The following PNLIPRP3 variants were observed in gnomAD, a reference collection of about 807,000 sequenced individuals.
PNLIPRP3 encodes the protein pancreatic lipase related protein 3.
A neutral mutation model predicts 52.8 loss-of-function variants in PNLIPRP3; 58 were observed. That is an observed-to-expected ratio of 1.10 (90% CI 0.89 to 1.37). PNLIPRP3 has a LOEUF of 1.37. Among genes scored for constraint, PNLIPRP3 ranks in the 40% most tolerant of loss-of-function variants. PNLIPRP3 has a pLI of 0.00. For synonymous variants in PNLIPRP3, 192 were observed against 185.0 expected, an observed-to-expected ratio of 1.04 and a Z score of -0.31; for missense variants, 593 against 561.6, an observed-to-expected ratio of 1.06 and a Z score of -0.57.
intron 1 of PNLIPRP3, among the ~76,000 whole-genome samples, chr10:116,434,562 T>G (rs981769013): frequency 9.9e-5 from 15 of 152,214 alleles, no homozygotes; most frequent in Non-Finnish European, 2.1e-4. Context: ...CCTTTAACTT[T>G]ACACTCTCTG....
intron 2 of PNLIPRP3, chr10:116,440,109 C>T: frequency 1.5e-6 from 1 of 659,068 alleles, no homozygotes. Flanking sequence ...ATGTAGAATA[C>T]AAGTATTTGG....
intron 7 of PNLIPRP3, among the ~76,000 whole-genome samples, chr10:116,461,502 T>C (rs1045677673): frequency 6.6e-6 from 1 of 152,170 alleles, no homozygotes. Context: ...GCCTTATCAA[T>C]CTCTAGCATA....
chr10:116,446,394 G>A (rs1043769516), intron 4 of PNLIPRP3, among the ~76,000 whole-genome samples: 3 of 150,660 alleles, frequency 2.0e-5, no homozygotes, highest in African/African-American at 7.3e-5. Context: ...GTAGAGGAAG[G>A]GATGTTCTAA....
intron 4 of PNLIPRP3, among the ~76,000 whole-genome samples, chr10:116,450,930 A>G (rs1846025733): frequency 6.6e-6 from 1 of 152,160 alleles, no homozygotes; most frequent in Admixed American, 6.5e-5. Context: ...TTTAACAGAA[A>G]TAGTAAAAAC....
At chr10:116,455,964 C>T (rs969121790) in intron 5 of PNLIPRP3, 134 bp downstream of exon 5, 18 of 705,732 alleles carry the variant, frequency 2.6e-5, no homozygotes, top group African/African-American at 1.8e-4. Context: ...TGAAATAAAA[C>T]GTGAACGTGT....
rs763161816 is a variant in PNLIPRP3, at chr10:116,469,301, C to T, written c.1044C>T (p.Ser348=). 2.0e-5 allele frequency: 32 copies of T among 1,604,304 alleles called. No individual in the cohort carries two copies. The highest frequency in any genetic ancestry group is 2.6e-5 in the Non-Finnish European group (30 of 1,176,418). The change falls in exon 9 of 12, where the codon TCC becomes TCT. Residue 348 remains serine (S), a synonymous_variant. Coordinates refer to ENST00000369230, the MANE Select transcript of PNLIPRP3 (RefSeq NM_001011709.3). The part of the protein sequence containing the change: ...NGSHYFLNTG[S]LSPFARWRHK... ...CACATTATTTTTTAAACACAGGGTC[C>T]CTTTCCCCATTTGCCCGTAAGTATC...
At chr10:116,465,963 C>T (rs569844363) in intron 7 of PNLIPRP3, 87 bp from the exon 8 acceptor site, 1 of 953,604 alleles carries the variant, frequency 1.0e-6, no homozygotes, top group Non-Finnish European at 1.7e-6. Context: ...AAGAAGACTG[C>T]CACTTACAGT....
intron 1 of PNLIPRP3, among the ~76,000 whole-genome samples, chr10:116,436,329 TGC>T (rs1351358920): frequency 3.3e-5 from 5 of 152,206 alleles, no homozygotes; most frequent in Admixed American, 2.6e-4. Flanking sequence ...CCTTACCTTA[TGC>T]CATATACAAA....
chr10:116,477,220 G>A lies in PNLIPRP3; in HGVS notation c.*67G>A. 1 of 1,325,384 alleles carries A rather than the reference G, an allele frequency of 7.5e-7. No homozygotes were observed. The highest frequency in any genetic ancestry group is 1.1e-6 in the Non-Finnish European group (1 of 944,278). The allele number at this position is 1,325,384 out of a possible 1,614,324, so 82.1% of individuals were successfully genotyped here. A position where few individuals can be genotyped will look rare whatever the true frequency, so the allele number is the denominator to read the frequency against. The stretch of plus-strand genomic sequence containing the variant: ...GAAGAAAAGTGTCTCCTTCCACCTG[G>A]CATCCAGACCAAATTTGACCCTTGT... On this transcript the variant is annotated 3_prime_UTR_variant, in exon 12 of 12. Coordinates refer to ENST00000369230, the MANE Select transcript of PNLIPRP3 (RefSeq NM_001011709.3).
intron 4 of PNLIPRP3, among the ~76,000 whole-genome samples, chr10:116,451,328 T>C: frequency 6.6e-6 from 1 of 152,120 alleles, no homozygotes; most frequent in East Asian, 1.9e-4. Context: ...ATAAAACTCC[T>C]AGAAAAAAAC....
In PNLIPRP3 at chr10:116,444,545, T is replaced by TG. The variant is rs1277128627; in HGVS notation, c.456+33dup. ...AGAGTTGATTTTTTTTTAATTATATTGAATTGGTTTTGGATATTAACACTC... is the reference window on the plus strand; with the variant it reads ...AGAGTTGATTTTTTTTTAATTATATTGGAATTGGTTTTGGATATTAACACTC... On this transcript the variant is annotated intron_variant, in intron 4 of 11. Transcript: ENST00000369230. 20 of 1,593,676 alleles carry TG rather than the reference T, an allele frequency of 1.3e-5. No individual in the cohort carries two copies. In the East Asian group the frequency reaches 4.2e-4, roughly 34 times the overall value.
At chr10:116,454,122 T>C (rs946925824) in intron 4 of PNLIPRP3, among the ~76,000 whole-genome samples, 1 of 152,114 alleles carries the variant, frequency 6.6e-6, no homozygotes. Context: ...TCTCATTCTT[T>C]TTTTTTTGAG....
chr10:116,465,870 T>C (rs1846275236), intron 7 of PNLIPRP3, among the ~76,000 whole-genome samples, 180 bp from the exon 8 acceptor site: 1 of 152,232 alleles, frequency 6.6e-6, no homozygotes, highest in African/African-American at 2.4e-5. Flanking sequence ...GTCACATAAT[T>C]CTTTGGTACA....
intron 3 of PNLIPRP3, among the ~76,000 whole-genome samples, chr10:116,443,591 T>C (rs1174224295): frequency 6.9e-6 from 1 of 144,916 alleles, no homozygotes; most frequent in African/African-American, 2.5e-5. Flanking sequence ...TCTCACGGAG[T>C]GAGAATTAAA....
intron 10 of PNLIPRP3, among the ~76,000 whole-genome samples, chr10:116,475,665 G>T (rs1376759969): frequency 6.6e-6 from 1 of 152,126 alleles, no homozygotes. Flanking sequence ...AAATATGTAG[G>T]TGCCTACGCT....
Position 116,461,299 on chromosome 10 carries a change from T to C in PNLIPRP3, c.808+9T>C, listed in dbSNP as rs1219058909. On this transcript the variant is annotated intron_variant, in intron 7 of 11. Transcript: ENST00000369230. ...CAATGCTTACAAAAAAGGTAAATAC[T>C]TTCTAAACTATGAATGCTACTGATG... 7 of 1,610,006 alleles carry C rather than the reference T, an allele frequency of 4.3e-6. No homozygotes were observed. Among genetic ancestry groups the C allele is most frequent in the Non-Finnish European group, 5.9e-6 (7 of 1,176,598 alleles).
chr10:116,458,304 A>G (rs1299159872), intron 5 of PNLIPRP3, among the ~76,000 whole-genome samples: 1 of 152,202 alleles, frequency 6.6e-6, no homozygotes, highest in East Asian at 1.9e-4. Flanking sequence ...GTTCTCACTC[A>G]TGTAGTAAGA....
intron 7 of PNLIPRP3, 126 bp from the exon 8 acceptor site, chr10:116,465,924 C>A: frequency 1.4e-6 from 1 of 734,052 alleles, no homozygotes; most frequent in South Asian, 1.5e-5. Flanking sequence ...ATATCCAAGC[C>A]TAGACAAAAG....
intron 2 of PNLIPRP3, among the ~76,000 whole-genome samples, 187 bp from the exon 3 acceptor site, chr10:116,442,865 AAAT>A (rs902740516): frequency 2.0e-5 from 3 of 152,062 alleles, no homozygotes; most frequent in African/African-American, 4.8e-5. Flanking sequence ...CACTGTCTCT[AAAT>A]AATAATAATA....
Sources: gnomAD v4.1 joint callset for allele counts (sites outside exome capture counted in the v4.1 genomes callset) on GRCh38, gnomAD v4.1.1 for gene constraint, MANE v1.5 for transcripts, NCBI Gene and HGNC (gene_info 2026-07-23, HGNC 2026-07-21) for gene names.